NLGN1: variants seen among roughly 807,000 people sequenced by gnomAD.
NLGN1 encodes the protein neuroligin-1.
NLGN1 carries 12 observed loss-of-function variants against 65.5 expected under a neutral mutation model. That is an observed-to-expected ratio of 0.18 (90% confidence interval 0.12 to 0.30). The LOEUF (loss-of-function observed/expected upper bound fraction) is 0.30, where lower values mean the gene tolerates loss of function less well. NLGN1 is among the 10% of genes least tolerant of loss of function. The probability of loss-of-function intolerance (pLI) is 1.00; values close to 1 mark genes in which losing one functional copy is unlikely to be tolerated. For missense variants in NLGN1, 750 were observed against 1,007.1 expected, an observed-to-expected ratio of 0.74 and a Z score of 3.46; for synonymous variants, 350 against 359.5, an observed-to-expected ratio of 0.97 and a Z score of 0.30.
At position 173,483,047 on chromosome 3, in the gene NLGN1, A is replaced by C. The variant is rs181781168; in HGVS notation, c.-321+47969A>C. On this transcript the variant is annotated intron_variant, in intron 2 of 6. Coordinates refer to ENST00000457714, the Ensembl canonical transcript of NLGN1. ...TTCCTGTTTTATATCCAGTCTTTTA[A>C]GCCTCCCAACCTCCAGTAGTTGATT... 9.7e-4 allele frequency among the ~76,000 whole-genome samples: 147 copies of C among 152,126 alleles called. 1 individual carries two copies. The highest frequency in any genetic ancestry group is 2.6e-3 in the Admixed American group (39 of 15,258).
chr3:174,241,901 G>A (rs1324393422), intron 4 of NLGN1, among the ~76,000 whole-genome samples: 4 of 151,980 alleles, frequency 2.6e-5, no homozygotes, highest in East Asian at 1.9e-4. Context: ...CTCGTGATCC[G>A]CCCGCCTTGG....
chr3:174,041,115 C>T (rs1199036197), intron 4 of NLGN1, among the ~76,000 whole-genome samples: 2 of 152,142 alleles, frequency 1.3e-5, no homozygotes, highest in South Asian at 4.1e-4. Flanking sequence ...AGACCGTTGT[C>T]ATCACCATCA....
chr3:173,751,041 A>C (rs1776234766), intron 3 of NLGN1, among the ~76,000 whole-genome samples: 1 of 152,054 alleles, frequency 6.6e-6, no homozygotes, highest in South Asian at 2.1e-4. Flanking sequence ...TCAAAAAACA[A>C]ATAAAAGGTC....
Position 174,124,649 on chromosome 3 carries a change from A to G in NLGN1, c.647-150666A>G, listed in dbSNP as rs149658780. Among the ~76,000 whole-genome samples, 7 of 147,938 alleles carry G rather than the reference A, an allele frequency of 4.7e-5. No individual in the cohort carries two copies. The East Asian group carries it at 5.9e-4, about 12-fold the overall frequency. ...CACATATACGTATATATATAAGTAC[A>G]TACTTATATATATGTATATGTGTAT... On this transcript the variant is annotated intron_variant, in intron 4 of 6. Transcript: ENST00000457714.
At chr3:173,655,782 T>C (rs1481031909) in intron 3 of NLGN1, among the ~76,000 whole-genome samples, 2 of 151,588 alleles carry the variant, frequency 1.3e-5, no homozygotes, top group Non-Finnish European at 2.9e-5. Flanking sequence ...TGACACTACA[T>C]GTATATGACT....
At chr3:173,987,725 T>A (rs1306452991) in intron 4 of NLGN1, among the ~76,000 whole-genome samples, 2 of 152,188 alleles carry the variant, frequency 1.3e-5, no homozygotes, top group Non-Finnish European at 2.9e-5. Flanking sequence ...TAAACCCAGT[T>A]CTGCCCTGTA....
At chr3:174,178,714 T>TA (rs1226468047) in intron 4 of NLGN1, among the ~76,000 whole-genome samples, 2 of 152,058 alleles carry the variant, frequency 1.3e-5, no homozygotes, top group Admixed American at 6.6e-5. Context: ...CAAGATACAT[T>TA]AAAAAAACTT....
intron 4 of NLGN1, among the ~76,000 whole-genome samples, chr3:173,963,307 CA>C (rs10715658): frequency 0.1 from 15,396 of 152,102 alleles, 1,036 homozygotes; most frequent in African/African-American, 0.18. Flanking sequence ...CTTATAATAA[CA>C]TTTATTTTAG....
At chr3:173,692,489 A>G (rs75357486) in intron 3 of NLGN1, among the ~76,000 whole-genome samples, 4,315 of 152,230 alleles carry the variant, frequency 0.028, 89 homozygotes, top group Middle Eastern at 0.048. Context: ...AACATAGAAA[A>G]TACTATATAA....
intron 4 of NLGN1, among the ~76,000 whole-genome samples, chr3:174,159,766 T>C (rs1193506884): frequency 2.0e-5 from 3 of 151,742 alleles, no homozygotes; most frequent in Non-Finnish European, 4.4e-5. Context: ...TCACCTGCTA[T>C]CCCTAACCTT....
intron 4 of NLGN1, among the ~76,000 whole-genome samples, chr3:174,275,079 C>CTGTT (rs1300440427): frequency 6.6e-6 from 1 of 151,804 alleles, no homozygotes; most frequent in Non-Finnish European, 1.5e-5. Context: ...TCCCTGTTAT[C>CTGTT]TGTTACCTGG....
rs374247823 is a variant in NLGN1, at chr3:173,455,380, C to A, written c.-321+20302C>A. On this transcript the variant is annotated intron_variant, in intron 2 of 6. Coordinates refer to ENST00000457714, the Ensembl canonical transcript of NLGN1. ...GGCACCAATACATTCATGAGGGATCCACCCCCATGACCCAAACACCTCCTA... is the reference window on the plus strand; with the variant it reads ...GGCACCAATACATTCATGAGGGATCAACCCCCATGACCCAAACACCTCCTA... Among the ~76,000 whole-genome samples, 4 of 151,978 alleles carry A rather than the reference C, an allele frequency of 2.6e-5. No homozygotes were observed. In the South Asian group the frequency reaches 6.2e-4, roughly 24 times the overall value.
intron 1 of NLGN1, among the ~76,000 whole-genome samples, chr3:173,414,421 C>T (rs761028985): frequency 6.6e-6 from 1 of 152,038 alleles, no homozygotes; most frequent in Non-Finnish European, 1.5e-5. Context: ...CGCTAGGAAA[C>T]CAATGGACTT....
intron 2 of NLGN1, among the ~76,000 whole-genome samples, chr3:173,480,090 G>A (rs1337922923): frequency 6.6e-6 from 1 of 152,096 alleles, no homozygotes; most frequent in Admixed American, 6.6e-5. Flanking sequence ...ACGGTTTGGA[G>A]TATATTCTAG....
intron 4 of NLGN1, among the ~76,000 whole-genome samples, chr3:174,029,875 C>T (rs1223636296): frequency 6.6e-6 from 1 of 152,162 alleles, no homozygotes; most frequent in African/African-American, 2.4e-5. Flanking sequence ...CTTTGCTCCT[C>T]ATTTGCCTTC....
intron 4 of NLGN1, among the ~76,000 whole-genome samples, chr3:173,817,768 A>G (rs1489474185): frequency 6.6e-6 from 1 of 152,186 alleles, no homozygotes; most frequent in Non-Finnish European, 1.5e-5. Flanking sequence ...TTTCTATGGT[A>G]TTAATATGGC....
intron 3 of NLGN1, among the ~76,000 whole-genome samples, chr3:173,637,857 G>A (rs1027069262): frequency 2.0e-5 from 3 of 152,102 alleles, no homozygotes; most frequent in Non-Finnish European, 2.9e-5. Context: ...TAGTATTTTC[G>A]TTTCTTTGTA....
At chr3:173,472,053 G>A (rs1336647373) in intron 2 of NLGN1, among the ~76,000 whole-genome samples, 1 of 152,106 alleles carries the variant, frequency 6.6e-6, no homozygotes, top group African/African-American at 2.4e-5. Context: ...ACAAACAGTA[G>A]AGGTATCATA....
chr3:174,161,716 C>T (rs1448350389), intron 4 of NLGN1, among the ~76,000 whole-genome samples: 1 of 151,858 alleles, frequency 6.6e-6, no homozygotes, highest in Non-Finnish European at 1.5e-5. Context: ...ACAGGACTAG[C>T]GTCTCATTTT....
Sources: allele counts gnomAD v4.1 joint callset (sites outside exome capture counted in the v4.1 genomes callset), GRCh38; gene constraint gnomAD v4.1.1; transcripts MANE v1.5; gene names NCBI Gene and HGNC (gene_info 2026-07-23, HGNC 2026-07-21).